MEOX2: variants seen among roughly 807,000 people sequenced by gnomAD.
MEOX2 encodes the protein mesenchyme homeobox 2, also known as homeobox protein MOX-2.
In MEOX2, 11 loss-of-function variants were observed where a neutral mutation model predicts 27.0. That is an observed-to-expected ratio of 0.41 (90% CI 0.26 to 0.68). The LOEUF is 0.68. Among genes scored for constraint, MEOX2 ranks in the 30% least tolerant of loss-of-function variants. The pLI is 0.33. For synonymous variants in MEOX2, 189 were observed against 155.4 expected (o/e 1.22, Z -1.61); for missense variants, 436 against 385.4 (o/e 1.13, Z -1.10).
chr7:15,646,607 C>T (rs1311445298), intron 1 of MEOX2, among the ~76,000 whole-genome samples: 1 of 151,952 alleles, frequency 6.6e-6, no homozygotes, highest in East Asian at 1.9e-4. Context: ...TCATACTTAT[C>T]TATGAAAATG....
intron 1 of MEOX2, among the ~76,000 whole-genome samples, chr7:15,665,191 T>A (rs180851565): frequency 3.3e-5 from 5 of 152,096 alleles, no homozygotes; most frequent in South Asian, 2.1e-4. Flanking sequence ...TTCAATATCA[T>A]CAAATCTGTG....
Position 15,686,165 on chromosome 7 carries a change from G to A in MEOX2, c.238C>T (p.His80Tyr). The A allele has an allele frequency of 6.5e-7, 1 of 1,536,368 alleles. No individual in the cohort carries two copies. The highest frequency in any genetic ancestry group is 8.7e-7 in the Non-Finnish European group (1 of 1,149,808). The change falls in exon 1 of 3, where the codon CAT (histidine) becomes TAT (tyrosine). Residue 80 changes from histidine (H) to tyrosine (Y), a missense_variant. Coordinates refer to ENST00000262041, the MANE Select transcript of MEOX2 (RefSeq NM_005924.5). The stretch of plus-strand genomic sequence containing the variant: ...AGAGCCTGGTGCTGCTGCTGCTGAT[G>A]GTGGTGATGGTGGTGGTGGTGGTGG... ...HHHHHHHHHH[H>Y]QQQQHQALQT...
intron 1 of MEOX2, among the ~76,000 whole-genome samples, chr7:15,674,867 C>A (rs1033484421): frequency 2.0e-5 from 3 of 151,820 alleles, no homozygotes; most frequent in African/African-American, 7.3e-5. Context: ...AGAAAAATGA[C>A]CAATCATTAA....
In MEOX2 at chr7:15,685,943, G is replaced by C. The variant is rs1428242992; in HGVS notation, c.460C>G (p.Leu154Val). ...CGCTTCTCCGCCTCCGCAGGTGACA[G>C]TGCCTGGCGGCCGTAGTCCCCCGGC... ...CAPGDYGRQA[L>V]SPAEAEKRSG... The change falls in exon 1 of 3, where the codon CTG (leucine) becomes GTG (valine). Residue 154 changes from leucine to valine, a missense_variant. Transcript: ENST00000262041. 1.2e-6 allele frequency: 2 copies of C among 1,611,350 alleles called. No homozygotes were observed. Among genetic ancestry groups the C allele is most frequent in the African/African-American group, 2.7e-5 (2 of 74,858 alleles).
At chr7:15,615,176 T>G (rs1781102850) in intron 2 of MEOX2, among the ~76,000 whole-genome samples, 1 of 80,878 alleles carries the variant, frequency 1.2e-5, no homozygotes, top group African/African-American at 4.7e-5. Context: ...ATACTATTGG[T>G]GCTGTTTATA....
At chr7:15,646,296 T>A (rs1352033181) in intron 1 of MEOX2, among the ~76,000 whole-genome samples, 1 of 152,056 alleles carries the variant, frequency 6.6e-6, no homozygotes, top group Non-Finnish European at 1.5e-5. Context: ...GGAAACTTCC[T>A]ATAGCACTTA....
intron 1 of MEOX2, among the ~76,000 whole-genome samples, chr7:15,678,653 C>G (rs967811514): frequency 2.6e-5 from 4 of 152,182 alleles, no homozygotes; most frequent in Non-Finnish European, 5.9e-5. Context: ...CCTCAACAGA[C>G]TCTGAATATA....
chr7:15,655,145 AC>A (rs1307224274), intron 1 of MEOX2, among the ~76,000 whole-genome samples: 6 of 151,670 alleles, frequency 4.0e-5, no homozygotes, highest in Non-Finnish European at 8.9e-5. Flanking sequence ...CATTTCCTCT[AC>A]ATTGTCAAAT....
intron 1 of MEOX2, among the ~76,000 whole-genome samples, chr7:15,643,415 G>T (rs1449121868): frequency 1.3e-5 from 2 of 152,164 alleles, no homozygotes; most frequent in African/African-American, 4.8e-5. Flanking sequence ...AAGGTCTAGG[G>T]GCAGCTCTCA....
chr7:15,679,917 C>T (rs928983468), intron 1 of MEOX2: 1 of 151,762 alleles, frequency 6.6e-6, no homozygotes, highest in Non-Finnish European at 1.5e-5. Context: ...AAATTATTTT[C>T]ATAACACTGT....
chr7:15,657,951 C>A (rs570322353), intron 1 of MEOX2, among the ~76,000 whole-genome samples: 2 of 152,332 alleles, frequency 1.3e-5, no homozygotes, highest in African/African-American at 4.8e-5. Flanking sequence ...CACTGAGCCT[C>A]AGTTTACATC....
At chr7:15,637,522 AC>A (rs1781498905) in intron 1 of MEOX2, among the ~76,000 whole-genome samples, 2 of 151,588 alleles carry the variant, frequency 1.3e-5, no homozygotes, top group Non-Finnish European at 2.9e-5. Context: ...CAATACACAC[AC>A]ACACACACGC....
chr7:15,637,755 A>G (rs952498462), intron 1 of MEOX2, among the ~76,000 whole-genome samples: 1 of 151,920 alleles, frequency 6.6e-6, no homozygotes, highest in African/African-American at 2.4e-5. Flanking sequence ...CTTTGAAGCC[A>G]GCAGACTTGG....
intron 2 of MEOX2, among the ~76,000 whole-genome samples, chr7:15,612,937 T>TCTTCTGTGA (rs2097553299): frequency 6.6e-6 from 1 of 152,232 alleles, no homozygotes; most frequent in Non-Finnish European, 1.5e-5. Context: ...GAATTGGAGC[T>TCTTCTGTGA]AACATAATAT....
rs1562605306 is a variant in MEOX2, at chr7:15,649,337, G to C, written c.518-22419C>G. 1.3e-5 allele frequency among the ~76,000 whole-genome samples: 2 copies of C among 151,966 alleles called. 1 individual carries two copies. Among genetic ancestry groups the C allele is most frequent in the Admixed American group, 1.3e-4 (2 of 15,234 alleles). ...AAATAGTGTGCAGTAAGGGTGGGGGGAGACATCAGAAATGGACAAAAATAA... is the reference window on the plus strand; with the variant it reads ...AAATAGTGTGCAGTAAGGGTGGGGGCAGACATCAGAAATGGACAAAAATAA... On this transcript the variant is annotated intron_variant, in intron 1 of 2. Transcript: ENST00000262041.
intron 1 of MEOX2, among the ~76,000 whole-genome samples, chr7:15,657,917 G>C (rs1355105477): frequency 2.0e-5 from 3 of 152,166 alleles, no homozygotes; most frequent in African/African-American, 7.2e-5. Context: ...AGGCTCCTTA[G>C]TGCTACCTGA....
intron 1 of MEOX2, chr7:15,679,735 C>T (rs1782262562): frequency 6.6e-6 from 1 of 151,944 alleles, no homozygotes; most frequent in African/African-American, 2.4e-5. Flanking sequence ...TATTATCATA[C>T]AAGTTAATGA....
In MEOX2 at chr7:15,686,094, C is replaced by G. The variant is rs1782377467; in HGVS notation, c.309G>C (p.Ala103=). ...GCTGGAGGCAGAGGCTGTGCCGAGCCGCACTCGGTGGGGAAGACATCTGCG... is the reference window on the plus strand; with the variant it reads ...GCTGGAGGCAGAGGCTGTGCCGAGCGGCACTCGGTGGGGAAGACATCTGCG... ...HLPQMSSPPS[A]ARHSLCLQPD... is the part of the protein sequence containing the mutation. Residue 103 remains alanine (A), a synonymous_variant, in exon 1 of 3, where the codon GCG becomes GCC. Coordinates refer to ENST00000262041, the MANE Select transcript of MEOX2 (RefSeq NM_005924.5). 1 of 1,587,230 alleles carries G rather than the reference C, an allele frequency of 6.3e-7. No individual in the cohort carries two copies. The highest frequency in any genetic ancestry group is 8.6e-7 in the Non-Finnish European group (1 of 1,168,386).
chr7:15,641,279 T>C (rs1018771875), intron 1 of MEOX2, among the ~76,000 whole-genome samples: 1 of 152,214 alleles, frequency 6.6e-6, no homozygotes, highest in African/African-American at 2.4e-5. Context: ...TGTATTCATT[T>C]GGGTTGCATA....
Sources: gnomAD v4.1 joint callset for allele counts (sites outside exome capture counted in the v4.1 genomes callset) on GRCh38, gnomAD v4.1.1 for gene constraint, MANE v1.5 for transcripts, NCBI Gene and HGNC (gene_info 2026-07-23, HGNC 2026-07-21) for gene names.